Variants in ZFHX4 observed in about 807,000 individuals in gnomAD.
ZFHX4 encodes the protein zinc finger homeobox protein 4.
Under a neutral mutation model 267.6 loss-of-function variants are expected in ZFHX4, and 56 were observed. The ratio of observed to expected loss-of-function variants is 0.21; its 90% CI spans 0.17 to 0.26. ZFHX4 has a LOEUF of 0.26. ZFHX4 is among the 10% of genes least tolerant of loss of function. The probability of loss-of-function intolerance (pLI) is 1.00; values close to 1 mark genes in which losing one functional copy is unlikely to be tolerated. For synonymous variants in ZFHX4, 1,778 were observed against 1,665.6 expected (o/e 1.07, Z -1.64); for missense variants, 4,332 against 4,420.0 (o/e 0.98, Z 0.56).
rs1812581917 is a variant in ZFHX4, at chr8:76,852,971, C to T, written c.6050C>T (p.Pro2017Leu). 1 of 1,559,530 alleles carries T rather than the reference C, an allele frequency of 6.4e-7. No homozygotes were observed. The highest frequency in any genetic ancestry group is 1.4e-5 in the African/African-American group (1 of 73,342). ...PPPPPLPPAP[P>L]QPSSMGPVKI... ...CCTCCTCCCTTGCCTCCGGCTCCTC[C>T]ACAGCCTTCTTCTATGGGTCCTGTA... is the stretch of plus-strand genomic sequence containing the variant. The change falls in exon 10 of 11, where the codon CCA (proline) becomes CTA (leucine). Residue 2017 changes from proline to leucine, a missense_variant. By Grantham distance (98) the Pro-to-Leu change is moderately conservative. Around this residue, in one of 7 missense-constraint regions of ZFHX4, gnomAD observed 1,371 missense variants for 1,423.1 expected, o/e 0.96. Coordinates refer to ENST00000651372, the MANE Select transcript of ZFHX4 (RefSeq NM_024721.5).
At chr8:76,774,887 G>A (rs781696252) in intron 3 of ZFHX4, among the ~76,000 whole-genome samples, 3 of 151,986 alleles carry the variant, frequency 2.0e-5, no homozygotes, top group Admixed American at 1.3e-4. Flanking sequence ...AAACTTTTGC[G>A]TTTTTACACC....
chr8:76,706,106 C>A lies in ZFHX4; in HGVS notation c.2018C>A (p.Ser673Tyr), dbSNP rs988139466. The A allele has an allele frequency of 1.2e-5, 19 of 1,613,474 alleles. No homozygotes were observed. The highest frequency in any genetic ancestry group is 1.5e-5 in the Non-Finnish European group (18 of 1,179,788). Residue 673 changes from serine to tyrosine, a missense_variant, in exon 2 of 11, where the codon TCT becomes TAT. Ser to Tyr is a moderately radical substitution (Grantham distance 144). This residue lies in a region of ZFHX4 where 1,195 missense variants were observed against 1,173.6 expected (regional missense o/e 1.02). Coordinates refer to ENST00000651372, the MANE Select transcript of ZFHX4 (RefSeq NM_024721.5). The stretch of plus-strand genomic sequence containing the variant: ...GAGAAACACCCTGAGCCGGGTGGCT[C>A]TTGTGTTTATTGTAAGACTGGACAG... ...MKEKHPEPGG[S>Y]CVYCKTGQPH...
Position 76,704,164 on chromosome 8 carries a change from C to A in ZFHX4, c.76C>A (p.Gln26Lys), listed in dbSNP as rs1206063230. 6.2e-7 allele frequency: 1 copy of A among 1,613,946 alleles called. No homozygotes were observed. Among genetic ancestry groups the A allele is most frequent in the Non-Finnish European group, 8.5e-7 (1 of 1,179,870 alleles). ...QSTSKLCGTTQLDNEVPEKVA... is the reference protein window; with the variant it reads ...QSTSKLCGTTKLDNEVPEKVA... ...CACATCAAAGCTATGTGGAACGACACAACTTGATAATGAGGTGCCAGAGAA... is the reference window on the plus strand; with the variant it reads ...CACATCAAAGCTATGTGGAACGACAAAACTTGATAATGAGGTGCCAGAGAA... Residue 26 changes from glutamine (Q) to lysine (K), a missense_variant, in exon 2 of 11, where the codon CAA becomes AAA. Gln to Lys is a moderately conservative substitution (Grantham distance 53). This residue lies in a region of ZFHX4 where 1,195 missense variants were observed against 1,173.6 expected (regional missense o/e 1.02). Coordinates refer to ENST00000651372, the MANE Select transcript of ZFHX4 (RefSeq NM_024721.5).
chr8:76,758,748 C>A (rs1201800819), intron 3 of ZFHX4, among the ~76,000 whole-genome samples: 1 of 152,070 alleles, frequency 6.6e-6, no homozygotes, highest in African/African-American at 2.4e-5. Context: ...CTTGCCTTGG[C>A]CCCCCAAAGT....
At chr8:76,732,950 C>G (rs1781820001) in intron 3 of ZFHX4, among the ~76,000 whole-genome samples, 1 of 152,104 alleles carries the variant, frequency 6.6e-6, no homozygotes, top group Non-Finnish European at 1.5e-5. Context: ...TTAGTTCCCA[C>G]TGCAGATGAG....
In ZFHX4 at chr8:76,778,380, C is replaced by T. The variant is rs1424845782; in HGVS notation, c.3266C>T (p.Pro1089Leu). The change falls in exon 4 of 11, where the codon CCA becomes CTA. Residue 1089 changes from proline to leucine, a missense_variant. Pro to Leu is a moderately conservative substitution (Grantham distance 98, BLOSUM62 -3). Transcript: ENST00000651372. The stretch of plus-strand genomic sequence containing the variant: ...CAGCTCCACCAGCAAGGCCTGGCAC[C>T]AGAGGAGGACAACCTCAGTGAGATC... Reference protein sequence around the residue: ...KLQLHQQGLAPEEDNLSEIFF... With the variant: ...KLQLHQQGLALEEDNLSEIFF... The T allele has an allele frequency of 6.2e-7, 1 of 1,613,778 alleles. No homozygotes were observed. Among genetic ancestry groups the T allele is most frequent in the Non-Finnish European group, 8.5e-7 (1 of 1,179,862 alleles).
Position 76,803,510 on chromosome 8 carries a change from T to C in ZFHX4, c.3325+25071T>C, listed in dbSNP as rs116065119. On this transcript the variant is annotated intron_variant, in intron 4 of 10. Coordinates refer to ENST00000651372, the MANE Select transcript of ZFHX4 (RefSeq NM_024721.5). ...TAGGTCTTTCTTGGTAGAGTGTGAA[T>C]CATGACTCAAATGTAACCTCCTAAG... 7.2e-3 allele frequency among the ~76,000 whole-genome samples: 1,098 copies of C among 152,264 alleles called. 21 individuals are homozygous for C. The highest frequency in any genetic ancestry group is 0.025 in the African/African-American group (1,047 of 41,558).
At chr8:76,816,796 A>G (rs796894421) in intron 4 of ZFHX4, among the ~76,000 whole-genome samples, 14 of 151,998 alleles carry the variant, frequency 9.2e-5, no homozygotes, top group African/African-American at 3.1e-4. Context: ...TGGTTTCTCC[A>G]TGTTGGTCAG....
chr8:76,832,113 GTGCCTTGGTA>G (rs1811950375), intron 4 of ZFHX4, among the ~76,000 whole-genome samples: 1 of 151,984 alleles, frequency 6.6e-6, no homozygotes, highest in African/African-American at 2.4e-5. Context: ...TGCAATAATA[GTGCCTTGGTA>G]TGCACTTCTA....
At chr8:76,730,673 T>C (rs1808984605) in intron 3 of ZFHX4, among the ~76,000 whole-genome samples, 1 of 152,078 alleles carries the variant, frequency 6.6e-6, no homozygotes, top group Non-Finnish European at 1.5e-5. Context: ...CACTCCAGCC[T>C]GGGTGACAGA....
intron 1 of ZFHX4, among the ~76,000 whole-genome samples, chr8:76,696,259 TAAC>T (rs1325802635): frequency 6.6e-6 from 1 of 152,184 alleles, no homozygotes; most frequent in African/African-American, 2.4e-5. Context: ...AGATTTGAGA[TAAC>T]ATTATTTCTT....
In ZFHX4 at chr8:76,854,642, T is replaced by A; in HGVS notation, c.7721T>A (p.Val2574Asp). The A allele has an allele frequency of 6.2e-7, 1 of 1,613,614 alleles. No homozygotes were observed. Among genetic ancestry groups the A allele is most frequent in the Non-Finnish European group, 8.5e-7 (1 of 1,179,836 alleles). Residue 2574 changes from valine to aspartate, a missense_variant, in exon 10 of 11, where the codon GTT becomes GAT. By Grantham distance (152) the Val-to-Asp change is radical. Transcript: ENST00000651372. The part of the protein sequence containing the change: ...SSSHTTAPTT[V>D]AASLKRKLDD... ...TCCCACACCACAGCCCCCACAACGG[T>A]TGCTGCTTCCCTAAAAAGGAAACTA...
intron 3 of ZFHX4, among the ~76,000 whole-genome samples, chr8:76,765,846 T>C (rs985680844): frequency 6.6e-6 from 1 of 152,012 alleles, no homozygotes; most frequent in African/African-American, 2.4e-5. Flanking sequence ...GATGATGAAA[T>C]TGAGGCCCAG....
At chr8:76,719,298 A>G (rs1808659263) in intron 3 of ZFHX4, among the ~76,000 whole-genome samples, 1 of 151,920 alleles carries the variant, frequency 6.6e-6, no homozygotes, top group African/African-American at 2.4e-5. Context: ...TTTAAAGTAG[A>G]TCACAGAAAT....
At chr8:76,713,294 T>TAGAC (rs939307435) in intron 3 of ZFHX4, among the ~76,000 whole-genome samples, 1 of 151,774 alleles carries the variant, frequency 6.6e-6, no homozygotes, top group African/African-American at 2.4e-5. Context: ...GATAGATAGA[T>TAGAC]AGATAGATAG....
Position 76,856,861 on chromosome 8 carries a change from A to G in ZFHX4, c.9379+561A>G, listed in dbSNP as rs189217353. Among the ~76,000 whole-genome samples, 597 of 152,292 alleles carry G rather than the reference A, an allele frequency of 3.9e-3. 1 individual carries two copies. The highest frequency in any genetic ancestry group is 4.1e-3 in the Non-Finnish European group (278 of 68,034). On this transcript the variant is annotated intron_variant, in intron 10 of 10. Coordinates refer to ENST00000651372, the MANE Select transcript of ZFHX4 (RefSeq NM_024721.5). ...GACTTATGTTTGAAGTTCAACAACT[A>G]AAAATATGACTTCTGTGATAGCACA...
intron 3 of ZFHX4, among the ~76,000 whole-genome samples, chr8:76,742,633 G>A (rs1016951278): frequency 6.6e-6 from 1 of 152,202 alleles, no homozygotes; most frequent in Admixed American, 6.5e-5. Context: ...CTGTGAGTAT[G>A]TCTTCTGCAA....
chr8:76,769,710 A>G (rs1049371449), intron 3 of ZFHX4, among the ~76,000 whole-genome samples: 2 of 152,160 alleles, frequency 1.3e-5, no homozygotes, highest in Non-Finnish European at 2.9e-5. Context: ...GTGGAGTCAA[A>G]GGGTCACTTG....
At chr8:76,814,860 T>C (rs950884940) in intron 4 of ZFHX4, among the ~76,000 whole-genome samples, 1 of 152,162 alleles carries the variant, frequency 6.6e-6, no homozygotes, top group Admixed American at 6.5e-5. Flanking sequence ...AAACTGACTG[T>C]AGTAGTATCC....
Sources: allele counts gnomAD v4.1 joint callset (sites outside exome capture counted in the v4.1 genomes callset), GRCh38; gene constraint gnomAD v4.1.1; regional missense constraint gnomAD v4.1.1; transcripts MANE v1.5; gene names NCBI Gene and HGNC (gene_info 2026-07-23, HGNC 2026-07-21).